CBLIF: variants seen among roughly 807,000 people sequenced by gnomAD.
CBLIF encodes the protein cobalamin binding intrinsic factor, also known as gastric intrinsic factor (vitamin B synthesis).
CBLIF carries 24 observed loss-of-function variants against 44.9 expected under a neutral mutation model. The ratio of observed to expected loss-of-function variants is 0.53; its 90% CI spans 0.39 to 0.75. The LOEUF (loss-of-function observed/expected upper bound fraction) is 0.75. Among genes scored for constraint, CBLIF ranks in the 30% least tolerant of loss-of-function variants. CBLIF has a pLI of 0.00. For missense variants in CBLIF, 481 were observed against 513.0 expected, an observed-to-expected ratio of 0.94 and a Z score of 0.60; for synonymous variants, 183 against 190.9, an observed-to-expected ratio of 0.96 and a Z score of 0.34.
At chr11:59,829,572 G>C (rs376473143) in intron 8 of CBLIF, 27 bp from the exon 9 acceptor site, 12 of 1,444,354 alleles carry the variant, frequency 8.3e-6, no homozygotes, top group Non-Finnish European at 1.2e-5. Flanking sequence ...AATAACATGA[G>C]GTGACTGTGG....
Position 59,841,201 on chromosome 11 carries a change from A to T in CBLIF, c.635T>A (p.Met212Lys), listed in dbSNP as rs1455240181. The change falls in exon 5 of 9, where the codon ATG becomes AAG. Residue 212 changes from methionine (M) to lysine (K), a missense_variant. Coordinates refer to ENST00000257248, the MANE Select transcript of CBLIF (RefSeq NM_005142.3). ...AATGATGCCATTATCTTTGATCTTC[A>T]TGCTGATTTTCTCCACAATATCCTT... ...VLKDIVEKIS[M>K]KIKDNGIIGD... 2 of 1,613,518 alleles carry T rather than the reference A, an allele frequency of 1.2e-6. No homozygotes were observed. Among genetic ancestry groups the T allele is most frequent in the Non-Finnish European group, 1.7e-6 (2 of 1,179,534 alleles).
chr11:59,834,957 A>G (rs1866433931), intron 7 of CBLIF, among the ~76,000 whole-genome samples: 1 of 151,904 alleles, frequency 6.6e-6, no homozygotes, highest in Admixed American at 6.6e-5. Flanking sequence ...TATTCTCACG[A>G]CCTAAGCAAC....
At chr11:59,840,121 T>G (rs1339156472) in intron 5 of CBLIF, among the ~76,000 whole-genome samples, 1 of 150,882 alleles carries the variant, frequency 6.6e-6, no homozygotes, top group Non-Finnish European at 1.5e-5. Context: ...TTTTTTTTTT[T>G]GCTCTTATGT....
intron 3 of CBLIF, 150 bp from the exon 4 acceptor site, chr11:59,842,733 G>T: frequency 1.3e-6 from 1 of 744,052 alleles, no homozygotes; most frequent in Non-Finnish European, 2.3e-6. Context: ...CAACTTCAGT[G>T]TTTTTCAAAA....
intron 1 of CBLIF, 105 bp from the exon 2 acceptor site, chr11:59,844,160 A>T: frequency 1.1e-6 from 1 of 929,472 alleles, no homozygotes; most frequent in Non-Finnish European, 1.7e-6. Flanking sequence ...TTTTTTTGAG[A>T]CAGTGTTACT....
At chr11:59,839,600 G>A (rs893070501) in intron 5 of CBLIF, among the ~76,000 whole-genome samples, 1 of 152,146 alleles carries the variant, frequency 6.6e-6, no homozygotes, top group Non-Finnish European at 1.5e-5. Flanking sequence ...TTATATATTA[G>A]ACACCTATTG....
In CBLIF at chr11:59,835,289, G is replaced by A. The variant is rs543670742; in HGVS notation, c.1073+519C>T. Among the ~76,000 whole-genome samples, 4 of 152,188 alleles carry A rather than the reference G, an allele frequency of 2.6e-5. No individual in the cohort carries two copies. In the South Asian group the frequency reaches 8.3e-4, roughly 32 times the overall value. ...GCCTCCCGAGTAGATGGGATTACAGGCACGTGCCACCACGCCTGGCTAATT... is the reference window on the plus strand; with the variant it reads ...GCCTCCCGAGTAGATGGGATTACAGACACGTGCCACCACGCCTGGCTAATT... On this transcript the variant is annotated intron_variant, in intron 7 of 8. Transcript: ENST00000257248.
intron 4 of CBLIF, among the ~76,000 whole-genome samples, chr11:59,841,843 C>A (rs779423540): frequency 4.6e-5 from 7 of 151,988 alleles, no homozygotes; most frequent in South Asian, 2.1e-4. Context: ...TGACAGTGGC[C>A]CCCACAGAGA....
At chr11:59,834,244 CTTTCTTTCTTTCTT>C (rs1401222214) in intron 7 of CBLIF, among the ~76,000 whole-genome samples, 24 of 77,776 alleles carry the variant, frequency 3.1e-4, no homozygotes, top group African/African-American at 6.5e-4. Context: ...CTTTCTTTTT[CTTTCTTTCTTTCTT>C]TCTTTCTTTC....
rs570519786 is a variant in CBLIF, at chr11:59,843,750, G to A, written c.256+129C>T. ...TCCAGGTACCTTCCAGGTATGTAAG[G>A]AAAGGTGTTTGGGTAGTTTATTTAC... On this transcript the variant is annotated intron_variant, in intron 2 of 8. Transcript: ENST00000257248. The A allele has an allele frequency of 3.1e-5, 23 of 751,844 alleles. No homozygotes were observed. The East Asian group carries it at 5.3e-4, about 17-fold the overall frequency. 46.6% of individuals were successfully genotyped at this position (751,844 alleles called of 1,614,324 possible).
At position 59,843,917 on chromosome 11, in the gene CBLIF, T is replaced by C. The variant is rs139444835; in HGVS notation, c.218A>G (p.Lys73Arg). 2.5e-4 allele frequency: 408 copies of C among 1,613,864 alleles called. 2 individuals are homozygous for C. Among genetic ancestry groups the C allele is most frequent in the Non-Finnish European group, 1.3e-5 (15 of 1,179,810 alleles). The stretch of plus-strand genomic sequence containing the variant: ...GGACATGAGCTGGTAAGTCAGGAGC[T>C]TCTGGGCCTTCAAGTTGTAGGCTCC... The part of the protein sequence containing the change: ...LAGAYNLKAQ[K>R]LLTYQLMSSD... Residue 73 changes from lysine to arginine, a missense_variant, in exon 2 of 9, where the codon AAG becomes AGG. Coordinates refer to ENST00000257248, the MANE Select transcript of CBLIF (RefSeq NM_005142.3).
chr11:59,834,712 A>G (rs1252269964), intron 7 of CBLIF, among the ~76,000 whole-genome samples: 1 of 152,046 alleles, frequency 6.6e-6, no homozygotes, highest in African/African-American at 2.4e-5. Context: ...AAAGCCTTCT[A>G]ATGTTCCTAT....
intron 8 of CBLIF, among the ~76,000 whole-genome samples, chr11:59,830,130 A>ATTTTTG (rs1565206055): frequency 6.6e-6 from 1 of 151,730 alleles, no homozygotes; most frequent in African/African-American, 2.4e-5. Context: ...AGGCCCAAAT[A>ATTTTTG]TTTTTGTTTC....
chr11:59,840,565 C>T (rs772638623), intron 5 of CBLIF, among the ~76,000 whole-genome samples: 8 of 152,190 alleles, frequency 5.3e-5, no homozygotes, highest in Non-Finnish European at 1.2e-4. Context: ...CCTGGGAATG[C>T]ATGCTGTGAA....
chr11:59,836,450 A>G (rs1866457505), intron 6 of CBLIF, among the ~76,000 whole-genome samples: 1 of 152,194 alleles, frequency 6.6e-6, no homozygotes, highest in Non-Finnish European at 1.5e-5. Context: ...ATAAGTTTTT[A>G]TGCAAGACCT....
intron 8 of CBLIF, among the ~76,000 whole-genome samples, chr11:59,830,663 T>C (rs1866362440): frequency 6.6e-6 from 1 of 152,174 alleles, no homozygotes; most frequent in Non-Finnish European, 1.5e-5. Flanking sequence ...TGATGATTAA[T>C]ATTTTTGAAT....
chr11:59,840,498 A>T (rs1009733903), intron 5 of CBLIF, among the ~76,000 whole-genome samples: 6 of 152,192 alleles, frequency 3.9e-5, no homozygotes, highest in African/African-American at 1.4e-4. Context: ...CAACTAGGGT[A>T]GGGTGGGTTG....
Position 59,837,188 on chromosome 11 carries a change from A to G in CBLIF, c.857T>C (p.Val286Ala). 1.2e-6 allele frequency: 2 copies of G among 1,613,602 alleles called. No homozygotes were observed. Among genetic ancestry groups the G allele is most frequent in the Non-Finnish European group, 1.7e-6 (2 of 1,179,496 alleles). ...GGATGTCTTACCAGGACTACAAGTGACCTGGGGCACATCTAGGTATGTCTT... is the reference window on the plus strand; with the variant it reads ...GGATGTCTTACCAGGACTACAAGTGGCCTGGGGCACATCTAGGTATGTCTT... ...KGKTYLDVPQVTCSPDHEVQP... is the reference protein window; with the variant it reads ...KGKTYLDVPQATCSPDHEVQP... The change falls in exon 6 of 9, where the codon GTC (valine) becomes GCC (alanine). Residue 286 changes from valine to alanine, a missense_variant. Physicochemically the swap from Val to Ala is moderately conservative, Grantham distance 64. Transcript: ENST00000257248.
At chr11:59,842,966 G>T in intron 3 of CBLIF, 62 bp downstream of exon 3, 1 of 1,069,274 alleles carries the variant, frequency 9.4e-7, no homozygotes, top group Non-Finnish European at 1.5e-6. Flanking sequence ...TCCTTTCTGG[G>T]TTTAAAATTC....
Sources: gnomAD v4.1 joint callset for allele counts (sites outside exome capture counted in the v4.1 genomes callset) on GRCh38, gnomAD v4.1.1 for gene constraint, MANE v1.5 for transcripts, NCBI Gene and HGNC (gene_info 2026-07-23, HGNC 2026-07-21) for gene names.